Variants in PALS2 observed in about 807,000 individuals in gnomAD.
PALS2 encodes protein PALS2.
Under a neutral mutation model 61.6 loss-of-function variants are expected in PALS2, and 27 were observed. The ratio of observed to expected loss-of-function variants is 0.44; its 90% CI spans 0.32 to 0.60. The LOEUF (loss-of-function observed/expected upper bound fraction) is 0.60, where lower values mean the gene tolerates loss of function less well. Ranked by LOEUF, PALS2 falls within the 20% of genes least tolerant of loss-of-function variation. PALS2 has a pLI of 0.05. For synonymous variants in PALS2, 236 were observed against 218.6 expected, an observed-to-expected ratio of 1.08 and a Z score of -0.70; for missense variants, 554 against 639.4, an observed-to-expected ratio of 0.87 and a Z score of 1.44.
chr7:24,683,269 G>A lies in PALS2; in HGVS notation c.1446+2749G>A, dbSNP rs539829432. On this transcript the variant is annotated intron_variant, in intron 11 of 11. Coordinates refer to ENST00000222644, the MANE Select transcript of PALS2 (RefSeq NM_001303037.2). ...TAGTTGATTATTCTGAGGTACGATTGATACAGGAAAGGCAGGATACATCTT... is the reference window on the plus strand; with the variant it reads ...TAGTTGATTATTCTGAGGTACGATTAATACAGGAAAGGCAGGATACATCTT... Among the ~76,000 whole-genome samples, 6 of 152,290 alleles carry A rather than the reference G, an allele frequency of 3.9e-5. No homozygotes were observed. In the South Asian group the frequency reaches 1.2e-3, roughly 32 times the overall value.
chr7:24,666,263 A>G (rs2030168608), intron 8 of PALS2, among the ~76,000 whole-genome samples, 174 bp downstream of exon 8: 1 of 152,212 alleles, frequency 6.6e-6, no homozygotes, highest in Non-Finnish European at 1.5e-5. Context: ...TAAAACCCAC[A>G]TTATATATAC....
Position 24,668,621 on chromosome 7 carries a change from A to G in PALS2, c.1075A>G (p.Ile359Val). 1.2e-6 allele frequency: 2 copies of G among 1,613,996 alleles called. No homozygotes were observed. Among genetic ancestry groups the G allele is most frequent in the East Asian group, 2.2e-5 (1 of 44,858 alleles). ...CCGAAGAAGCTTGAAAAACAGGTTC[A>G]TAGTATTGAATCCCACTAGATTTGG... ...VGRRSLKNRF[I>V]VLNPTRFGTT... The change falls in exon 9 of 12, where the codon ATA (isoleucine) becomes GTA (valine). Residue 359 changes from isoleucine to valine, a missense_variant. Physicochemically the swap from Ile to Val is conservative, Grantham distance 29. Transcript: ENST00000222644.
intron 3 of PALS2, among the ~76,000 whole-genome samples, chr7:24,648,904 CAAAAAAGAA>C (rs1406822965): frequency 1.1e-5 from 1 of 90,596 alleles, no homozygotes; most frequent in Non-Finnish European, 2.0e-5. Flanking sequence ...GACTCTGTCT[CAAAAAAGAA>C]AAAAAAAAAG....
At chr7:24,628,267 A>G (rs1784838059) in intron 2 of PALS2, among the ~76,000 whole-genome samples, 1 of 152,230 alleles carries the variant, frequency 6.6e-6, no homozygotes, top group Non-Finnish European at 1.5e-5. Context: ...GATGAAAATC[A>G]CATGATTATC....
At chr7:24,605,401 A>C (rs954061850) in intron 1 of PALS2, among the ~76,000 whole-genome samples, 2 of 152,198 alleles carry the variant, frequency 1.3e-5, no homozygotes, top group Non-Finnish European at 2.9e-5. Flanking sequence ...ATATGTACTA[A>C]TGTGAAATGT....
rs1788508137 is a variant in PALS2, at chr7:24,692,207, A to T, written c.*4593A>T. On this transcript the variant is annotated 3_prime_UTR_variant, in exon 12 of 12. Transcript: ENST00000222644. Reference sequence around the variant, plus strand: ...GAAAGAATGATGATATCTCATTTCTAAAGTAAGCATGGTTCACACCACTTT... The same window carrying T: ...GAAAGAATGATGATATCTCATTTCTTAAGTAAGCATGGTTCACACCACTTT... 1 of 152,186 alleles carries T rather than the reference A, an allele frequency of 6.6e-6. No individual in the cohort carries two copies. The highest frequency in any genetic ancestry group is 1.9e-4 in the East Asian group (1 of 5,206). 9.4% of individuals were successfully genotyped at this position (152,186 alleles called of 1,614,324 possible). A position where few individuals can be genotyped will look rare whatever the true frequency, so the allele number is the denominator to read the frequency against.
chr7:24,684,453 C>A (rs767065982), intron 11 of PALS2, among the ~76,000 whole-genome samples: 8 of 152,150 alleles, frequency 5.3e-5, no homozygotes, highest in Non-Finnish European at 8.8e-5. Flanking sequence ...TAACATGATT[C>A]TAGTAATGTC....
rs1788576814 is a variant in PALS2 at position 24,693,659 on chromosome 7, CA to C, written c.*6047del. Reference sequence around the variant, plus strand: ...CTCAGCTACATCTGTATTTGAAATACAATAAAAATATTTCTTATGTCTCTGT... The same window carrying C: ...CTCAGCTACATCTGTATTTGAAATACATAAAAATATTTCTTATGTCTCTGT... On this transcript the variant is annotated 3_prime_UTR_variant, in exon 12 of 12. Transcript: ENST00000222644. The C allele has an allele frequency of 6.6e-6, 1 of 152,142 alleles. No homozygotes were observed. The highest frequency in any genetic ancestry group is 6.6e-5 in the Admixed American group (1 of 15,262). 9.4% of individuals were successfully genotyped at this position (152,142 alleles called of 1,614,324 possible).
intron 3 of PALS2, among the ~76,000 whole-genome samples, chr7:24,645,793 T>C (rs1181592567): frequency 1.3e-5 from 2 of 152,214 alleles, no homozygotes; most frequent in African/African-American, 4.8e-5. Context: ...CTGATTTCTT[T>C]GAGCAGTGTT....
At position 24,694,044 on chromosome 7, in the gene PALS2, A is replaced by C. The variant is rs954323065; in HGVS notation, c.*6430A>C. 1.3e-5 allele frequency: 2 copies of C among 152,168 alleles called. No individual in the cohort carries two copies. The highest frequency in any genetic ancestry group is 4.8e-5 in the African/African-American group (2 of 41,454). The allele number at this position is 152,168 out of a possible 1,614,324, so 9.4% of individuals were successfully genotyped here. A position where few individuals can be genotyped will look rare whatever the true frequency, so the allele number is the denominator to read the frequency against. On this transcript the variant is annotated 3_prime_UTR_variant, in exon 12 of 12. Transcript: ENST00000222644. ...CAGAATGCTTGTTAGCAATCTGAAA[A>C]TCAAAGCTGAACAAGCTGCTTAAAG...
chr7:24,674,837 T>C (rs1008578246), intron 9 of PALS2, among the ~76,000 whole-genome samples: 1 of 130,588 alleles, frequency 7.7e-6, no homozygotes, highest in African/African-American at 4.1e-5. Context: ...CTGTTTTCAA[T>C]TTAACATTGA....
intron 2 of PALS2, among the ~76,000 whole-genome samples, chr7:24,632,275 A>G (rs902037493): frequency 6.6e-6 from 1 of 152,120 alleles, no homozygotes; most frequent in Non-Finnish European, 1.5e-5. Context: ...AGTTTTCTTT[A>G]GTTAATGTTA....
At chr7:24,631,825 C>T (rs1178630142) in intron 2 of PALS2, among the ~76,000 whole-genome samples, 1 of 152,170 alleles carries the variant, frequency 6.6e-6, no homozygotes, top group East Asian at 1.9e-4. Context: ...AGCATTTTAA[C>T]CTTTAAAGTA....
intron 1 of PALS2, among the ~76,000 whole-genome samples, chr7:24,611,984 G>C (rs949617909): frequency 1.3e-5 from 2 of 152,004 alleles, no homozygotes; most frequent in African/African-American, 4.8e-5. Flanking sequence ...GTGATGGAAA[G>C]AAACTGATAG....
intron 5 of PALS2, among the ~76,000 whole-genome samples, chr7:24,658,299 A>G (rs1397106720): frequency 6.6e-6 from 1 of 152,152 alleles, no homozygotes; most frequent in Non-Finnish European, 1.5e-5. Flanking sequence ...CATGTGTTTA[A>G]TAGACTTAAT....
intron 11 of PALS2, among the ~76,000 whole-genome samples, chr7:24,681,392 A>G (rs538312828): frequency 2.0e-4 from 30 of 152,276 alleles, no homozygotes; most frequent in Middle Eastern, 3.4e-3. Context: ...CTTTGATATC[A>G]TGTCATCTGT....
intron 1 of PALS2, among the ~76,000 whole-genome samples, chr7:24,598,722 ACAAT>A (rs1042244593): frequency 5.3e-5 from 8 of 152,232 alleles, no homozygotes; most frequent in African/African-American, 1.7e-4. Flanking sequence ...GTGTACACAC[ACAAT>A]CAAAGTTTTC....
intron 5 of PALS2, among the ~76,000 whole-genome samples, chr7:24,656,942 G>A (rs1786451575): frequency 1.3e-5 from 2 of 152,004 alleles, no homozygotes; most frequent in Admixed American, 6.6e-5. Flanking sequence ...AAATTATTTT[G>A]CATTTTCCTT....
intron 2 of PALS2, among the ~76,000 whole-genome samples, chr7:24,626,421 A>G (rs1250101860): frequency 6.6e-6 from 1 of 152,224 alleles, no homozygotes; most frequent in Non-Finnish European, 1.5e-5. Flanking sequence ...TAAACCCTAT[A>G]CTTTTGCATT....
Sources: allele counts gnomAD v4.1 joint callset (sites outside exome capture counted in the v4.1 genomes callset), GRCh38; gene constraint gnomAD v4.1.1; transcripts MANE v1.5; gene names NCBI Gene and HGNC (gene_info 2026-07-23, HGNC 2026-07-21).